The following PDXDC1 variants were observed in gnomAD, a reference collection of about 807,000 sequenced individuals.
PDXDC1 encodes the protein pyridoxal dependent decarboxylase domain containing 1.
A neutral mutation model predicts 100.1 loss-of-function variants in PDXDC1; 42 were observed. The observed-to-expected ratio is 0.42, with a 90% CI of 0.33 to 0.54. PDXDC1 has a LOEUF of 0.54. Ranked by LOEUF, PDXDC1 falls within the 20% of genes least tolerant of loss-of-function variation. The pLI, the probability that PDXDC1 is intolerant of heterozygous loss-of-function variation, is 0.10. For synonymous variants in PDXDC1, 260 were observed against 371.7 expected (o/e 0.70, Z 3.46); for missense variants, 636 against 979.2 (o/e 0.65, Z 4.68).
intron 13 of PDXDC1, among the ~76,000 whole-genome samples, chr16:15,025,030 A>T (rs1171788854): frequency 6.6e-6 from 1 of 152,308 alleles, no homozygotes; most frequent in African/African-American, 2.4e-5. Flanking sequence ...CTCAGCTTAC[A>T]GTCCTCTTTC....
chr16:15,047,602 G>T, intron 16 of PDXDC1: 1 of 1,329,400 alleles, frequency 7.5e-7, no homozygotes, highest in Non-Finnish European at 1.1e-6. Context: ...CGAGTGCAGT[G>T]CGCAGGCCGA....
At position 15,006,438 on chromosome 16, in the gene PDXDC1, G is replaced by A. The variant is rs138949435; in HGVS notation, c.434G>A (p.Gly145Glu). 1.1e-3 allele frequency: 1,719 copies of A among 1,602,588 alleles called. No homozygotes were observed. The highest frequency in any genetic ancestry group is 8.1e-3 in the African/African-American group (601 of 74,612). ...TATTTCCACGAAGAGGAAAGAGAAG[G>A]ACTTGCAAAGATATGTAGGCTTGCC... ...CAYFHEEERE[G>E]LAKICRLAIH... The change falls in exon 6 of 23, where the codon GGA becomes GAA. Residue 145 changes from glycine (G) to glutamate (E), a missense_variant. This residue lies in a region of PDXDC1 where 125 missense variants were observed against 479.9 expected (regional missense o/e 0.26). Coordinates refer to ENST00000396410, the MANE Select transcript of PDXDC1 (RefSeq NM_015027.4).
chr16:15,037,847 A>AAC lies in PDXDC1; in HGVS notation c.*1574_*1575dup. ...TTTAGTAAACCAAAAAATAAGTCTC[A>AAC]ACAAATGCCTTTGCCAAAATAAGGT... On this transcript the variant is annotated 3_prime_UTR_variant, in exon 23 of 23. Transcript: ENST00000396410. 1.9e-6 allele frequency: 1 copy of AAC among 516,194 alleles called. No homozygotes were observed. Among genetic ancestry groups the AAC allele is most frequent in the Non-Finnish European group, 3.4e-6 (1 of 294,858 alleles). 32.0% of individuals were successfully genotyped at this position (516,194 alleles called of 1,614,324 possible). A position where few individuals can be genotyped will look rare whatever the true frequency, so the allele number is the denominator to read the frequency against.
chr16:15,135,657 A>G, intron 16 of PDXDC1: 2 of 1,592,714 alleles, frequency 1.3e-6, no homozygotes, highest in Non-Finnish European at 1.7e-6. Flanking sequence ...ACCTGTGTCG[A>G]AGCCACACAG....
At chr16:15,018,288 A>C (rs562724845) in intron 11 of PDXDC1, among the ~76,000 whole-genome samples, 1 of 152,346 alleles carries the variant, frequency 6.6e-6, no homozygotes, top group African/African-American at 2.4e-5. Context: ...GTGAGCCTGT[A>C]GTCCCAGCTA....
At chr16:15,011,289 G>T (rs1472638605) in intron 8 of PDXDC1, among the ~76,000 whole-genome samples, 1 of 152,304 alleles carries the variant, frequency 6.6e-6, no homozygotes, top group Non-Finnish European at 1.5e-5. Flanking sequence ...AGATGCCTGA[G>T]TAATTCGAGG....
At chr16:15,053,320 T>C (rs890305103) in intron 16 of PDXDC1, among the ~76,000 whole-genome samples, 1 of 152,214 alleles carries the variant, frequency 6.6e-6, no homozygotes, top group Non-Finnish European at 1.5e-5. Flanking sequence ...GCAGTAACTC[T>C]TGCTGTGGTG....
At chr16:15,125,411 G>T in intron 16 of PDXDC1, 1 of 794,108 alleles carries the variant, frequency 1.3e-6, no homozygotes, top group East Asian at 2.5e-5. Flanking sequence ...GACACCCTGG[G>T]CTTCCGAGCA....
At chr16:15,131,224 C>G (rs1377303320) in intron 16 of PDXDC1, 4 of 1,591,592 alleles carry the variant, frequency 2.5e-6, no homozygotes, top group Non-Finnish European at 2.6e-6. Context: ...CCGGGCAGCC[C>G]AGTCCGAGTT....
chr16:15,029,005 C>T (rs770699584), intron 15 of PDXDC1, 39 bp downstream of exon 15: 84 of 1,595,068 alleles, frequency 5.3e-5, no homozygotes, highest in African/African-American at 9.4e-5. Context: ...TTCAGGTCCC[C>T]GTCCATCACC....
intron 21 of PDXDC1, 146 bp from the exon 22 acceptor site, chr16:15,035,299 ACATT>A: frequency 2.0e-6 from 1 of 504,246 alleles, no homozygotes; most frequent in South Asian, 3.3e-5. Context: ...AGCTCACGGC[ACATT>A]CATAAGTGCC....
At chr16:15,135,729 T>A (rs2048317560) in intron 16 of PDXDC1, 1 of 1,596,362 alleles carries the variant, frequency 6.3e-7, no homozygotes, top group Non-Finnish European at 8.6e-7. Flanking sequence ...TAGGACTCGC[T>A]CCCATCCAGC....
chr16:15,087,087 C>A (rs2045940041), intron 16 of PDXDC1, among the ~76,000 whole-genome samples: 1 of 151,980 alleles, frequency 6.6e-6, no homozygotes, highest in Non-Finnish European at 1.5e-5. Context: ...AATACAGTGT[C>A]AATTATGTAA....
chr16:15,024,061 T>G, intron 13 of PDXDC1, among the ~76,000 whole-genome samples: 1 of 152,286 alleles, frequency 6.6e-6, no homozygotes, highest in African/African-American at 2.4e-5. Context: ...CGCTGCTCCC[T>G]TATTCTCAAA....
chr16:15,070,264 A>T (rs757249640), intron 16 of PDXDC1: 3 of 1,611,668 alleles, frequency 1.9e-6, no homozygotes, highest in Non-Finnish European at 2.5e-6. Context: ...ACTAGAGAAA[A>T]GAAAAATTCA....
chr16:15,131,379 G>A lies in PDXDC1; in HGVS notation c.1400-7500G>A, dbSNP rs923547199. The A allele has an allele frequency of 7.3e-5, 116 of 1,592,048 alleles. 2 individuals carry two copies. In the East Asian group the frequency reaches 1.6e-3, roughly 21 times the overall value. ...TATAGCCAAAGGGAAAGGGATTGGAGTCCACCAGAAAGATGAGCTGCACCA... is the reference window on the plus strand; with the variant it reads ...TATAGCCAAAGGGAAAGGGATTGGAATCCACCAGAAAGATGAGCTGCACCA... On this transcript the variant is annotated intron_variant, in intron 16 of 16. Coordinates refer to the PDXDC1 transcript ENST00000535621.
chr16:15,058,107 C>T (rs2044589214), intron 16 of PDXDC1, among the ~76,000 whole-genome samples: 1 of 151,840 alleles, frequency 6.6e-6, no homozygotes, highest in South Asian at 2.1e-4. Flanking sequence ...CCCAGAAGTT[C>T]GAGACGAGCC....
intron 16 of PDXDC1, chr16:15,128,181 G>T: frequency 6.2e-7 from 1 of 1,610,486 alleles, no homozygotes. Context: ...GCGCCCCAAC[G>T]CGGGGGCAGA....
chr16:15,033,069 A>G (rs1475309517), intron 18 of PDXDC1, 90 bp downstream of exon 18: 9 of 1,006,578 alleles, frequency 8.9e-6, no homozygotes, highest in Non-Finnish European at 1.4e-5. Flanking sequence ...TTAGCGGGCT[A>G]GCGCCTCTCG....
Sources: allele counts gnomAD v4.1 joint callset (sites outside exome capture counted in the v4.1 genomes callset), GRCh38; gene constraint gnomAD v4.1.1; regional missense constraint gnomAD v4.1.1; transcripts MANE v1.5; gene names NCBI Gene and HGNC (gene_info 2026-07-23, HGNC 2026-07-21).